The following BNC2 variants were observed in gnomAD, a reference collection of about 807,000 sequenced individuals.
BNC2 encodes the protein basonuclin zinc finger protein 2.
A neutral mutation model predicts 76.3 loss-of-function variants in BNC2; 20 were observed. The observed-to-expected ratio is 0.26, with a 90% CI of 0.18 to 0.38. The LOEUF (loss-of-function observed/expected upper bound fraction) is 0.38, where lower values mean the gene tolerates loss of function less well. Ranked by LOEUF, BNC2 falls within the 10% of genes least tolerant of loss-of-function variation. BNC2 has a pLI of 1.00. For synonymous variants in BNC2, 582 were observed against 514.8 expected, an observed-to-expected ratio of 1.13 and a Z score of -1.77; for missense variants, 1,382 against 1,399.8, an observed-to-expected ratio of 0.99 and a Z score of 0.20.
At chr9:16,571,443 T>G (rs945887775) in intron 4 of BNC2, among the ~76,000 whole-genome samples, 2 of 152,182 alleles carry the variant, frequency 1.3e-5, no homozygotes, top group African/African-American at 4.8e-5. Context: ...ATGATCTGTT[T>G]CCAAGTAGAA....
In BNC2 at chr9:16,782,519, T is replaced by C. The variant is rs1254009365; in HGVS notation, c.4-44034A>G. On this transcript the variant is annotated intron_variant, in intron 1 of 6. Coordinates refer to ENST00000380672, the MANE Select transcript of BNC2 (RefSeq NM_017637.6). ...GTCTAATGTGCTGACTTCTCTATTT[T>C]CTCTGGACTTTTACCAATGTTGTTC... is the stretch of plus-strand genomic sequence containing the variant. Among the ~76,000 whole-genome samples the C allele has an allele frequency of 3.3e-5, 5 of 152,146 alleles. 1 individual carries two copies. Among genetic ancestry groups the C allele is most frequent in the Non-Finnish European group, 7.4e-5 (5 of 68,018 alleles).
chr9:16,438,352 A>C (rs1466922658), intron 5 of BNC2, among the ~76,000 whole-genome samples: 2 of 152,204 alleles, frequency 1.3e-5, no homozygotes, highest in African/African-American at 4.8e-5. Flanking sequence ...AATGTGTAAA[A>C]AGTTGTCTCT....
intron 3 of BNC2, among the ~76,000 whole-genome samples, chr9:16,649,349 G>C (rs1054646343): frequency 6.6e-6 from 1 of 152,178 alleles, no homozygotes; most frequent in African/African-American, 2.4e-5. Context: ...TCCTTGAGAA[G>C]AGAAGACCTG....
At chr9:16,749,356 G>C (rs773619572) in intron 1 of BNC2, among the ~76,000 whole-genome samples, 4 of 152,158 alleles carry the variant, frequency 2.6e-5, no homozygotes, top group Non-Finnish European at 2.9e-5. Context: ...TTTGAGCCAA[G>C]ATTCTTAGAC....
Position 16,435,858 on chromosome 9 carries a change from G to A in BNC2, c.2336C>T (p.Thr779Ile), listed in dbSNP as rs764964039. ...QDVIKVKEEF[T>I]DPTYDMFYMS... The stretch of plus-strand genomic sequence containing the variant: ...GTAAAACATGTCGTAAGTGGGGTCT[G>A]TAAATTCTTCCTTCACCTTGATGAC... Residue 779 changes from threonine (T) to isoleucine (I), a missense_variant, in exon 6 of 7, where the codon ACA becomes ATA. By Grantham distance (89) the Thr-to-Ile change is moderately conservative. Around this residue, in one of 3 missense-constraint regions of BNC2, gnomAD observed 798 missense variants for 775.5 expected, o/e 1.03. Coordinates refer to ENST00000380672, the MANE Select transcript of BNC2 (RefSeq NM_017637.6). The A allele has an allele frequency of 4.9e-5, 79 of 1,613,670 alleles. No homozygotes were observed. In the Middle Eastern group the frequency reaches 2.1e-3, roughly 44 times the overall value.
In BNC2 at chr9:16,472,019, C is replaced by T. The variant is rs142935444; in HGVS notation, c.670-34495G>A. 7.8e-3 allele frequency among the ~76,000 whole-genome samples: 1,190 copies of T among 152,262 alleles called. 15 individuals are homozygous for T. Among genetic ancestry groups the T allele is most frequent in the African/African-American group, 0.027 (1,119 of 41,556 alleles). ...GTAAGAAGTGCCTTTCACCTTCCAC[C>T]ATGATTCTGAGGCCTTCCCAGTCAT... On this transcript the variant is annotated intron_variant, in intron 5 of 6. Coordinates refer to ENST00000380672, the MANE Select transcript of BNC2 (RefSeq NM_017637.6).
intron 1 of BNC2, among the ~76,000 whole-genome samples, chr9:16,767,318 G>A (rs1304683329): frequency 6.6e-6 from 1 of 152,214 alleles, no homozygotes; most frequent in Non-Finnish European, 1.5e-5. Context: ...AGTTTGGGCA[G>A]TCCTCAGTAC....
intron 6 of BNC2, among the ~76,000 whole-genome samples, chr9:16,427,107 A>G (rs564057503): frequency 1.1e-4 from 16 of 152,376 alleles, no homozygotes; most frequent in Middle Eastern, 3.4e-3. Flanking sequence ...GAAAATTTCA[A>G]TAAAGTACTT....
chr9:16,437,631 G>A (rs1032934790), intron 5 of BNC2, 107 bp from the exon 6 acceptor site: 2 of 1,343,350 alleles, frequency 1.5e-6, no homozygotes, highest in Non-Finnish European at 2.0e-6. Flanking sequence ...AAAACACTGA[G>A]CAAGAGCAGA....
At chr9:16,534,855 G>T (rs933960693) in intron 5 of BNC2, among the ~76,000 whole-genome samples, 1 of 152,074 alleles carries the variant, frequency 6.6e-6, no homozygotes, top group Non-Finnish European at 1.5e-5. Context: ...GCTCTGAAAC[G>T]TAACTAAATA....
intron 5 of BNC2, among the ~76,000 whole-genome samples, chr9:16,501,128 G>C (rs1461444110): frequency 6.7e-6 from 1 of 150,110 alleles, no homozygotes; most frequent in Non-Finnish European, 1.5e-5. Flanking sequence ...TACAGAGTTG[G>C]TGTGGTAACA....
At chr9:16,670,918 C>T (rs1822458124) in intron 3 of BNC2, among the ~76,000 whole-genome samples, 1 of 152,134 alleles carries the variant, frequency 6.6e-6, no homozygotes, top group Non-Finnish European at 1.5e-5. Context: ...CAACTTCCCC[C>T]ACTGATCGCT....
chr9:16,751,901 C>A (rs942321513), intron 1 of BNC2, among the ~76,000 whole-genome samples: 1 of 151,452 alleles, frequency 6.6e-6, no homozygotes, highest in Non-Finnish European at 1.5e-5. Context: ...TGGTGGCGGG[C>A]GCCTGTAATC....
chr9:16,790,412 A>G (rs544315127), intron 1 of BNC2, among the ~76,000 whole-genome samples: 140 of 152,376 alleles, frequency 9.2e-4, no homozygotes, highest in African/African-American at 3.1e-3. Context: ...AATGAAAAGT[A>G]TATTTATTTA....
At chr9:16,577,295 A>G (rs982151402) in intron 4 of BNC2, among the ~76,000 whole-genome samples, 2 of 152,112 alleles carry the variant, frequency 1.3e-5, no homozygotes, top group Non-Finnish European at 1.5e-5. Context: ...CTGATAAGAC[A>G]TATCAAGTAC....
chr9:16,449,271 T>C (rs1227213567), intron 5 of BNC2, among the ~76,000 whole-genome samples: 1 of 152,164 alleles, frequency 6.6e-6, no homozygotes, highest in African/African-American at 2.4e-5. Flanking sequence ...AACGTGCCAT[T>C]AGAAGCACTT....
At chr9:16,644,702 A>G (rs537803321) in intron 3 of BNC2, among the ~76,000 whole-genome samples, 1 of 152,352 alleles carries the variant, frequency 6.6e-6, no homozygotes, top group Admixed American at 6.5e-5. Flanking sequence ...AAGAGCATCA[A>G]GAGAGAAACA....
intron 1 of BNC2, among the ~76,000 whole-genome samples, chr9:16,837,314 G>A (rs1818729845): frequency 6.6e-6 from 1 of 152,130 alleles, no homozygotes; most frequent in Non-Finnish European, 1.5e-5. Context: ...GACCAGCCTG[G>A]CCAACATAGT....
chr9:16,470,941 C>A (rs1177019611), intron 5 of BNC2, among the ~76,000 whole-genome samples: 2 of 152,136 alleles, frequency 1.3e-5, no homozygotes, highest in African/African-American at 4.8e-5. Context: ...ACCTTTAGAC[C>A]CGAGAATGGT....
Sources: allele counts gnomAD v4.1 joint callset (sites outside exome capture counted in the v4.1 genomes callset), GRCh38; gene constraint gnomAD v4.1.1; regional missense constraint gnomAD v4.1.1; transcripts MANE v1.5; gene names NCBI Gene and HGNC (gene_info 2026-07-23, HGNC 2026-07-21).